Variants in TSHZ1 observed in about 807,000 individuals in gnomAD.
TSHZ1 encodes teashirt homolog 1.
In TSHZ1, 12 loss-of-function variants were observed where a neutral mutation model predicts 67.1. The observed-to-expected ratio is 0.18, with a 90% confidence interval of 0.11 to 0.29. TSHZ1 has a LOEUF of 0.29. Ranked by LOEUF, TSHZ1 falls within the 10% of genes least tolerant of loss-of-function variation. The pLI, the probability that TSHZ1 is intolerant of heterozygous loss-of-function variation, is 1.00. For synonymous variants in TSHZ1, 632 were observed against 622.4 expected (o/e 1.02, Z -0.23); for missense variants, 1,305 against 1,413.9 (o/e 0.92, Z 1.23).
intron 1 of TSHZ1, among the ~76,000 whole-genome samples, chr18:75,259,130 CTTTA>C (rs750778210): frequency 8.9e-4 from 135 of 152,176 alleles, no homozygotes; most frequent in South Asian, 1.7e-3. Flanking sequence ...GTGGGGTTTT[CTTTA>C]TTTTCTAAAA....
At chr18:75,273,625 C>T (rs1004314777) in intron 1 of TSHZ1, among the ~76,000 whole-genome samples, 3 of 152,156 alleles carry the variant, frequency 2.0e-5, no homozygotes, top group African/African-American at 4.8e-5. Flanking sequence ...TGTGTGTTTA[C>T]GTTGTAAACC....
chr18:75,270,189 C>T (rs1201739968), intron 1 of TSHZ1, among the ~76,000 whole-genome samples: 3 of 152,208 alleles, frequency 2.0e-5, no homozygotes, highest in Non-Finnish European at 4.4e-5. Flanking sequence ...CTAGGTAAAG[C>T]CCCTGCTCCT....
chr18:75,229,809 A>AAAGAAAC (rs1301633732), intron 1 of TSHZ1, among the ~76,000 whole-genome samples: 1 of 152,248 alleles, frequency 6.6e-6, no homozygotes, highest in Non-Finnish European at 1.5e-5. Context: ...ATCTAACCTA[A>AAAGAAAC]AAGAAACAAA....
chr18:75,235,677 A>G (rs1020227718), intron 1 of TSHZ1, among the ~76,000 whole-genome samples: 2 of 152,240 alleles, frequency 1.3e-5, no homozygotes, highest in Admixed American at 1.3e-4. Flanking sequence ...TATTAACTTC[A>G]TATGAAATAT....
intron 1 of TSHZ1, among the ~76,000 whole-genome samples, chr18:75,279,083 T>G (rs77026922): frequency 0.031 from 4,677 of 151,364 alleles, 89 homozygotes; most frequent in East Asian, 0.073. Flanking sequence ...TGGCCTGGGG[T>G]GGTGGGAGAA....
In TSHZ1 at chr18:75,211,705, G is replaced by T; in HGVS notation, c.-172G>T. The T allele has an allele frequency of 5.4e-6, 1 of 183,824 alleles. No homozygotes were observed. The highest frequency in any genetic ancestry group is 1.8e-4 in the South Asian group (1 of 5,496). 11.4% of individuals were successfully genotyped at this position (183,824 alleles called of 1,614,324 possible). On this transcript the variant is annotated 5_prime_UTR_variant, in exon 1 of 2. Transcript: ENST00000580243. ...CCTCCTGAGCGGCCCCGGGCGCGGC[G>T]GTCCATGCGAGCGGCTCCCCGCGGT...
chr18:75,273,347 C>T (rs557581908), intron 1 of TSHZ1, among the ~76,000 whole-genome samples: 1 of 152,162 alleles, frequency 6.6e-6, no homozygotes, highest in Non-Finnish European at 1.5e-5. Context: ...AACCTAATTG[C>T]TCAGAGCCAG....
chr18:75,286,069 G>C lies in TSHZ1; in HGVS notation c.662G>C (p.Ser221Thr). ...TSSYGLLPEP[S>T]LFSTVQLYRQ... ...TCGTATGGGCTGCTTCCTGAGCCCA[G>C]CCTGTTCAGCACCGTGCAGCTCTAC... The change falls in exon 2 of 2, where the codon AGC becomes ACC. Residue 221 changes from serine to threonine, a missense_variant. Physicochemically the swap from Ser to Thr is moderately conservative, Grantham distance 58 (BLOSUM62 1). Coordinates refer to ENST00000580243, the MANE Select transcript of TSHZ1 (RefSeq NM_001308210.2). This position sits in a 1 kb window ranked among gnomAD's most constrained non-coding sequence, Gnocchi z 5.1. 2.5e-6 allele frequency: 4 copies of C among 1,613,514 alleles called. No individual in the cohort carries two copies. In the South Asian group the frequency reaches 3.3e-5, roughly 13 times the overall value.
At chr18:75,212,873 T>C (rs2022717350) in intron 1 of TSHZ1, among the ~76,000 whole-genome samples, 1 of 152,240 alleles carries the variant, frequency 6.6e-6, no homozygotes, top group Non-Finnish European at 1.5e-5. Flanking sequence ...TGCTGCCTGC[T>C]CAAGTCTTGT....
Position 75,210,808 on chromosome 18 carries a change from T to C in TSHZ1, c.-1069T>C, listed in dbSNP as rs1035860718. The C allele has an allele frequency of 2.7e-5, 4 of 150,770 alleles. No homozygotes were observed. The highest frequency in any genetic ancestry group is 4.4e-5 in the Non-Finnish European group (3 of 67,824). The allele number at this position is 150,770 out of a possible 1,614,324, so 9.3% of individuals were successfully genotyped here. A position where few individuals can be genotyped will look rare whatever the true frequency, so the allele number is the denominator to read the frequency against. On this transcript the variant is annotated 5_prime_UTR_variant, in exon 1 of 2. Coordinates refer to ENST00000580243, the MANE Select transcript of TSHZ1 (RefSeq NM_001308210.2). ...TGTGTCTGTCTATCAGTTGAGACTG[T>C]CTGAAAGCTCTGCGATCCGAATGTG...
At chr18:75,265,889 A>T (rs1377893823) in intron 1 of TSHZ1, among the ~76,000 whole-genome samples, 1 of 152,210 alleles carries the variant, frequency 6.6e-6, no homozygotes, top group African/African-American at 2.4e-5. Context: ...CTTTTCTAGG[A>T]TTGCTTAACA....
At chr18:75,218,805 G>A (rs1469279825) in intron 1 of TSHZ1, among the ~76,000 whole-genome samples, 1 of 152,258 alleles carries the variant, frequency 6.6e-6, no homozygotes, top group Admixed American at 6.5e-5. Flanking sequence ...GTGTTTTATT[G>A]GAACTTTCTT....
chr18:75,277,014 A>G (rs2023621183), intron 1 of TSHZ1, among the ~76,000 whole-genome samples: 1 of 152,158 alleles, frequency 6.6e-6, no homozygotes, highest in Non-Finnish European at 1.5e-5. Context: ...AAGGAACAGC[A>G]TTTCTGCCTG....
At chr18:75,238,526 G>A (rs913759781) in intron 1 of TSHZ1, among the ~76,000 whole-genome samples, 13 of 152,188 alleles carry the variant, frequency 8.5e-5, no homozygotes, top group African/African-American at 2.9e-4. Flanking sequence ...GAGACTAACT[G>A]AGAAGATCTT....
At chr18:75,230,158 C>T (rs573819533) in intron 1 of TSHZ1, among the ~76,000 whole-genome samples, 2 of 152,254 alleles carry the variant, frequency 1.3e-5, no homozygotes, top group Non-Finnish European at 2.9e-5. Flanking sequence ...TAGTGTTGGC[C>T]GAGGTCAAAT....
chr18:75,253,035 T>C (rs2023322886), intron 1 of TSHZ1, among the ~76,000 whole-genome samples: 1 of 152,222 alleles, frequency 6.6e-6, no homozygotes, highest in Non-Finnish European at 1.5e-5. Flanking sequence ...TGGTAAATTT[T>C]CCATTCTAAA....
chr18:75,238,286 A>T (rs2023106643), intron 1 of TSHZ1, among the ~76,000 whole-genome samples: 1 of 152,152 alleles, frequency 6.6e-6, no homozygotes, highest in Admixed American at 6.5e-5. Context: ...GACACCCTCT[A>T]ACTGCCACGG....
chr18:75,261,979 TC>T (rs1310141669), intron 1 of TSHZ1, among the ~76,000 whole-genome samples: 2 of 152,184 alleles, frequency 1.3e-5, no homozygotes, highest in African/African-American at 4.8e-5. Flanking sequence ...CTGTATTCTC[TC>T]CAGGAGACAG....
intron 1 of TSHZ1, among the ~76,000 whole-genome samples, chr18:75,219,048 T>C (rs1054155199): frequency 2.0e-5 from 3 of 152,204 alleles, no homozygotes; most frequent in Non-Finnish European, 4.4e-5. Flanking sequence ...TGATAAAGCA[T>C]TGAGAATCCT....
Sources: gnomAD v4.1 joint callset for allele counts (sites outside exome capture counted in the v4.1 genomes callset) on GRCh38, gnomAD v4.1.1 for gene constraint, Gnocchi (gnomAD v3.1) non-coding constraint, MANE v1.5 for transcripts, NCBI Gene and HGNC (gene_info 2026-07-23, HGNC 2026-07-21) for gene names.